SHB: variants seen among roughly 807,000 people sequenced by gnomAD.
SHB encodes the protein SH2 domain-containing adapter protein B.
SHB carries 20 observed loss-of-function variants against 52.3 expected under a neutral mutation model. The observed-to-expected ratio is 0.38, with a 90% CI of 0.27 to 0.56. The LOEUF (loss-of-function observed/expected upper bound fraction) is 0.56. SHB is among the 20% of genes least tolerant of loss of function. SHB has a pLI of 0.71. For missense variants in SHB, 825 were observed against 723.3 expected, an observed-to-expected ratio of 1.14 and a Z score of -1.61; for synonymous variants, 397 against 316.5, an observed-to-expected ratio of 1.25 and a Z score of -2.70.
At chr9:37,943,524 G>A (rs895832761) in intron 5 of SHB, among the ~76,000 whole-genome samples, 1 of 152,164 alleles carries the variant, frequency 6.6e-6, no homozygotes, top group Admixed American at 6.5e-5. Flanking sequence ...AAGATGCCAG[G>A]CAATTTGCCT....
At chr9:38,053,048 A>C (rs1334614387) in intron 1 of SHB, among the ~76,000 whole-genome samples, 1 of 152,076 alleles carries the variant, frequency 6.6e-6, no homozygotes, top group Non-Finnish European at 1.5e-5. Context: ...GGTTTCTATG[A>C]CAGTAGAGAC....
intron 2 of SHB, among the ~76,000 whole-genome samples, chr9:37,986,810 A>G (rs1820813009): frequency 6.6e-6 from 1 of 152,220 alleles, no homozygotes; most frequent in Non-Finnish European, 1.5e-5. Context: ...GCAGAGAGCC[A>G]GGGCCCAGCA....
At chr9:38,025,159 C>T (rs1015363854) in intron 1 of SHB, among the ~76,000 whole-genome samples, 1 of 151,972 alleles carries the variant, frequency 6.6e-6, no homozygotes, top group Non-Finnish European at 1.5e-5. Flanking sequence ...CACAGAAGAA[C>T]CCCCCTACCT....
chr9:37,944,196 T>C (rs888095744), intron 5 of SHB, among the ~76,000 whole-genome samples: 4 of 152,136 alleles, frequency 2.6e-5, no homozygotes, highest in African/African-American at 4.8e-5. Context: ...GCCCCTGCCA[T>C]GGAGGGGGCT....
At chr9:37,964,754 T>G (rs915810042) in intron 3 of SHB, among the ~76,000 whole-genome samples, 3 of 152,136 alleles carry the variant, frequency 2.0e-5, no homozygotes, top group African/African-American at 7.2e-5. Flanking sequence ...GTGATACATC[T>G]ATGAGCACTC....
intron 5 of SHB, among the ~76,000 whole-genome samples, chr9:37,930,229 T>A (rs1341235213): frequency 6.6e-6 from 1 of 152,244 alleles, no homozygotes; most frequent in East Asian, 1.9e-4. Context: ...ACCAACCAGA[T>A]ACTCTGAGAT....
intron 1 of SHB, among the ~76,000 whole-genome samples, chr9:38,057,832 T>C (rs1197790733): frequency 1.3e-5 from 2 of 152,218 alleles, no homozygotes; most frequent in African/African-American, 2.4e-5. Flanking sequence ...GAACCCACAA[T>C]ATAAGGGACC....
At chr9:37,983,192 A>G (rs1010384635) in intron 2 of SHB, among the ~76,000 whole-genome samples, 1 of 152,226 alleles carries the variant, frequency 6.6e-6, no homozygotes, top group African/African-American at 2.4e-5. Context: ...CTGATAACTA[A>G]GAGACAGGTT....
chr9:37,973,835 G>A (rs1820621253), intron 3 of SHB, among the ~76,000 whole-genome samples: 1 of 152,182 alleles, frequency 6.6e-6, no homozygotes, highest in African/African-American at 2.4e-5. Context: ...AGACACAGTG[G>A]TCCTGTGAGC....
chr9:37,938,808 G>T (rs898088223), intron 5 of SHB, among the ~76,000 whole-genome samples: 1 of 152,268 alleles, frequency 6.6e-6, no homozygotes, highest in Non-Finnish European at 1.5e-5. Context: ...GGCACTGCCG[G>T]GTTGGGGGGT....
chr9:38,049,246 C>A (rs113426703), intron 1 of SHB, among the ~76,000 whole-genome samples: 200 of 152,286 alleles, frequency 1.3e-3, no homozygotes, highest in African/African-American at 4.6e-3. Context: ...TGGGCTCAAG[C>A]GATCCTCCTG....
chr9:37,986,615 T>C (rs1405898154), intron 2 of SHB, among the ~76,000 whole-genome samples: 2 of 152,182 alleles, frequency 1.3e-5, no homozygotes, highest in Non-Finnish European at 2.9e-5. Flanking sequence ...GGCTCCACCC[T>C]TTCAAGAAGT....
intron 5 of SHB, among the ~76,000 whole-genome samples, chr9:37,944,280 ACAGGTGG>A (rs1832467966): frequency 6.6e-6 from 1 of 152,100 alleles, no homozygotes; most frequent in African/African-American, 2.4e-5. Context: ...TGGGATGCCG[ACAGGTGG>A]CAGCTTGGGC....
chr9:38,042,175 CCT>C (rs1032428729), intron 1 of SHB, among the ~76,000 whole-genome samples: 14 of 152,290 alleles, frequency 9.2e-5, no homozygotes, highest in African/African-American at 2.4e-4. Context: ...CCTCTGTGCC[CCT>C]GTCTCCTCAT....
Position 37,991,092 on chromosome 9 carries a change from G to C in SHB, c.839-16255C>G, listed in dbSNP as rs182203046. Among the ~76,000 whole-genome samples, 15 of 152,278 alleles carry C rather than the reference G, an allele frequency of 9.9e-5. 1 individual carries two copies. In the East Asian group the frequency reaches 1.2e-3, roughly 12 times the overall value. On this transcript the variant is annotated intron_variant, in intron 2 of 5. Coordinates refer to ENST00000377707, the MANE Select transcript of SHB (RefSeq NM_003028.3). ...GTGATAATTAAAATTTTAAAAGGAA[G>C]TTGCAAATGTGGCACATGAAGACTC...
At position 38,025,497 on chromosome 9, in the gene SHB, G is replaced by A. The variant is rs966138246; in HGVS notation, c.718-9366C>T. Among the ~76,000 whole-genome samples, 5 of 152,220 alleles carry A rather than the reference G, an allele frequency of 3.3e-5. No individual in the cohort carries two copies. In the East Asian group the frequency reaches 5.8e-4, roughly 18 times the overall value. On this transcript the variant is annotated intron_variant, in intron 1 of 5. Coordinates refer to ENST00000377707, the MANE Select transcript of SHB (RefSeq NM_003028.3). ...GCCAGCTCTCAGACCAGCCCTGGTCGCGAAGAGTAAGAGCAAGATTTTCTT... is the reference window on the plus strand; with the variant it reads ...GCCAGCTCTCAGACCAGCCCTGGTCACGAAGAGTAAGAGCAAGATTTTCTT...
intron 1 of SHB, among the ~76,000 whole-genome samples, chr9:38,033,647 T>C (rs1263950898): frequency 2.0e-5 from 3 of 152,336 alleles, no homozygotes; most frequent in African/African-American, 7.2e-5. Context: ...GCCCATCCTC[T>C]GATCAGTGGG....
chr9:37,991,989 G>A (rs889741759), intron 2 of SHB, among the ~76,000 whole-genome samples: 2 of 152,182 alleles, frequency 1.3e-5, no homozygotes, highest in African/African-American at 4.8e-5. Context: ...GGTGACTAGT[G>A]GCTAGAGTAG....
intron 1 of SHB, among the ~76,000 whole-genome samples, chr9:38,035,416 T>C (rs1166886709): frequency 6.6e-6 from 1 of 151,940 alleles, no homozygotes; most frequent in Non-Finnish European, 1.5e-5. Flanking sequence ...ATTTTTATGG[T>C]ACCCTGAAGC....
Sources: gnomAD v4.1 joint callset for allele counts (sites outside exome capture counted in the v4.1 genomes callset) on GRCh38, gnomAD v4.1.1 for gene constraint, MANE v1.5 for transcripts, NCBI Gene and HGNC (gene_info 2026-07-23, HGNC 2026-07-21) for gene names.